ZDHHC11B: variants seen among roughly 807,000 people sequenced by gnomAD.
ZDHHC11B encodes probable palmitoyltransferase ZDHHC11B.
Under a neutral mutation model 42.3 loss-of-function variants are expected in ZDHHC11B, and 17 were observed. That is an observed-to-expected ratio of 0.40 (90% CI 0.27 to 0.60). The LOEUF (loss-of-function observed/expected upper bound fraction) is 0.60. ZDHHC11B is among the 20% of genes least tolerant of loss of function. The pLI, the probability that ZDHHC11B is intolerant of heterozygous loss-of-function variation, is 0.41. For missense variants in ZDHHC11B, 262 were observed against 463.2 expected, an observed-to-expected ratio of 0.57 and a Z score of 3.99; for synonymous variants, 123 against 193.5, an observed-to-expected ratio of 0.64 and a Z score of 3.02.
rs1561106818 is a variant in ZDHHC11B at position 711,821 on chromosome 5, CCAGTACTGTGCTCCCATTTCT to C, written c.*448_*468del. 2.6e-5 allele frequency: 4 copies of C among 155,284 alleles called. No individual in the cohort carries two copies. The highest frequency in any genetic ancestry group is 2.1e-4 in the South Asian group (1 of 4,878). The allele number at this position is 155,284 out of a possible 1,614,324, so 9.6% of individuals were successfully genotyped here. The stretch of plus-strand genomic sequence containing the variant: ...TTTCCTAGTACTGTGCTACCATTTC[CCAGTACTGTGCTCCCATTTCT>C]CAGTACTGTGCTCCCATTTCCCAGT... On this transcript the variant is annotated 3_prime_UTR_variant, in exon 14 of 14. Transcript: ENST00000508859.
chr5:761,514 C>T lies in ZDHHC11B; in HGVS notation c.222+5184G>A, dbSNP rs138481758. Among the ~76,000 whole-genome samples, 255 of 151,858 alleles carry T rather than the reference C, an allele frequency of 1.7e-3. No individual in the cohort carries two copies. The East Asian group carries it at 0.018, about 11-fold the overall frequency. On this transcript the variant is annotated intron_variant, in intron 4 of 13. Transcript: ENST00000508859. ...ATCTTGGGGAATGCCAGCAGGGCCA[C>T]AGGGCACACCTTGGGCCTGGCAGAG...
chr5:750,315 C>T (rs1745434843), intron 7 of ZDHHC11B, among the ~76,000 whole-genome samples: 1 of 133,542 alleles, frequency 7.5e-6, no homozygotes, highest in South Asian at 2.5e-4. Context: ...CAGTTGAGCG[C>T]GCTGCCTCCG....
chr5:773,768 C>T (rs1343504758), intron 1 of ZDHHC11B, among the ~76,000 whole-genome samples: 1 of 151,824 alleles, frequency 6.6e-6, no homozygotes, highest in African/African-American at 2.4e-5. Context: ...GAGCCCACCC[C>T]ACTTGCGCCC....
At chr5:777,918 G>A (rs936138122) in intron 1 of ZDHHC11B, among the ~76,000 whole-genome samples, 1 of 151,632 alleles carries the variant, frequency 6.6e-6, no homozygotes, top group African/African-American at 2.4e-5. Context: ...GGCGGGGGAG[G>A]GGGGGCGTGG....
chr5:760,385 G>A lies in ZDHHC11B; in HGVS notation c.223-4241C>T, dbSNP rs115525334. On this transcript the variant is annotated intron_variant, in intron 4 of 13. Coordinates refer to ENST00000508859, the MANE Select transcript of ZDHHC11B (RefSeq NM_001351303.2). Reference sequence around the variant, plus strand: ...GGGAACCCAACGGCAGCAGACACACGCAGAGAAAAGACGGTGTGAACACGA... The same window carrying A: ...GGGAACCCAACGGCAGCAGACACACACAGAGAAAAGACGGTGTGAACACGA... Among the ~76,000 whole-genome samples, 201 of 151,742 alleles carry A rather than the reference G, an allele frequency of 1.3e-3. 3 individuals carry two copies. Among genetic ancestry groups the A allele is most frequent in the African/African-American group, 4.6e-3 (189 of 41,330 alleles).
intron 5 of ZDHHC11B, among the ~76,000 whole-genome samples, chr5:755,501 A>G (rs1225768527): frequency 2.0e-5 from 3 of 148,404 alleles, no homozygotes; most frequent in African/African-American, 7.6e-5. Flanking sequence ...ACAGCCCTGT[A>G]GCCACCCCCT....
intron 13 of ZDHHC11B, among the ~76,000 whole-genome samples, chr5:715,109 C>T (rs373168765): frequency 5.3e-5 from 8 of 150,182 alleles, no homozygotes; most frequent in African/African-American, 9.9e-5. Context: ...GCCAAATACA[C>T]GATTTTTCTT....
chr5:772,971 C>T (rs1339131330), intron 1 of ZDHHC11B, among the ~76,000 whole-genome samples: 9 of 151,918 alleles, frequency 5.9e-5, no homozygotes, highest in South Asian at 2.1e-4. Context: ...GAATTAGGCA[C>T]GATGTGCCGC....
At chr5:721,277 G>A (rs188533653) in intron 12 of ZDHHC11B, among the ~76,000 whole-genome samples, 22 of 144,698 alleles carry the variant, frequency 1.5e-4, no homozygotes, top group African/African-American at 5.0e-4. Context: ...AAATGGGCAG[G>A]AATTGAGAAA....
chr5:783,850 G>T (rs1490316107), intron 1 of ZDHHC11B, among the ~76,000 whole-genome samples: 4 of 123,488 alleles, frequency 3.2e-5, no homozygotes, highest in Non-Finnish European at 6.6e-5. Context: ...CATCAAAACA[G>T]CAGCCCCCCA....
At chr5:780,706 G>T (rs1196046257) in intron 1 of ZDHHC11B, among the ~76,000 whole-genome samples, 1 of 148,766 alleles carries the variant, frequency 6.7e-6, no homozygotes, top group African/African-American at 2.5e-5. Context: ...CTGGGGACAC[G>T]TGGGCACTGG....
chr5:759,825 G>A (rs1038901764), intron 4 of ZDHHC11B, among the ~76,000 whole-genome samples: 2 of 151,884 alleles, frequency 1.3e-5, no homozygotes, highest in Admixed American at 6.6e-5. Context: ...GGCCTGGGAG[G>A]TCACTTCCCA....
intron 12 of ZDHHC11B, among the ~76,000 whole-genome samples, chr5:726,102 C>T (rs1352734348): frequency 6.7e-6 from 1 of 148,774 alleles, no homozygotes; most frequent in African/African-American, 2.5e-5. Context: ...CAGAATATCC[C>T]CCATCGGTTT....
At chr5:775,810 G>A (rs1736426088) in intron 1 of ZDHHC11B, among the ~76,000 whole-genome samples, 1 of 151,656 alleles carries the variant, frequency 6.6e-6, no homozygotes, top group African/African-American at 2.4e-5. Flanking sequence ...CGGGGCACTG[G>A]CATCCAGGGA....
At chr5:763,887 A>G (rs1734944816) in intron 4 of ZDHHC11B, among the ~76,000 whole-genome samples, 1 of 151,890 alleles carries the variant, frequency 6.6e-6, no homozygotes, top group African/African-American at 2.4e-5. Context: ...ACTCGGATAC[A>G]CATGCATGTG....
At chr5:727,313 C>G (rs1188478739) in intron 12 of ZDHHC11B, among the ~76,000 whole-genome samples, 5 of 139,836 alleles carry the variant, frequency 3.6e-5, no homozygotes, top group Non-Finnish European at 6.4e-5. Context: ...GGGAGACTGA[C>G]TTCTGGGTCC....
chr5:761,166 GTCCGA>G (rs1734562004), intron 4 of ZDHHC11B, among the ~76,000 whole-genome samples: 1 of 151,904 alleles, frequency 6.6e-6, no homozygotes, highest in Non-Finnish European at 1.5e-5. Context: ...CTTGACCACG[GTCCGA>G]TCACAGCCTG....
At chr5:753,675 G>A (rs1254899762) in intron 6 of ZDHHC11B, among the ~76,000 whole-genome samples, 1 of 148,544 alleles carries the variant, frequency 6.7e-6, no homozygotes, top group Non-Finnish European at 1.5e-5. Flanking sequence ...GAGGAGGCGG[G>A]TGGGTCTCCC....
intron 4 of ZDHHC11B, among the ~76,000 whole-genome samples, chr5:757,495 C>G (rs1023859216): frequency 6.6e-6 from 1 of 151,942 alleles, no homozygotes; most frequent in East Asian, 1.9e-4. Context: ...CCCTCAGCCT[C>G]GTCCTGGCAC....
Sources: gnomAD v4.1 joint callset for allele counts (sites outside exome capture counted in the v4.1 genomes callset) on GRCh38, gnomAD v4.1.1 for gene constraint, MANE v1.5 for transcripts, NCBI Gene and HGNC (gene_info 2026-07-23, HGNC 2026-07-21) for gene names.